The following SYT13 variants were observed in gnomAD, a reference collection of about 807,000 sequenced individuals.
The protein encoded by SYT13 is synaptotagmin 13.
In SYT13, 21 loss-of-function variants were observed where a neutral mutation model predicts 38.6. The observed-to-expected ratio is 0.54, with a 90% CI of 0.39 to 0.78. SYT13 has a LOEUF of 0.78. SYT13 is among the 30% of genes least tolerant of loss of function. The pLI is 0.00. For missense variants in SYT13, 495 were observed against 548.7 expected, an observed-to-expected ratio of 0.90 and a Z score of 0.98; for synonymous variants, 241 against 237.6, an observed-to-expected ratio of 1.01 and a Z score of -0.13.
chr11:45,261,560 TG>T (rs1854816288), intron 1 of SYT13, among the ~76,000 whole-genome samples: 1 of 151,058 alleles, frequency 6.6e-6, no homozygotes, highest in African/African-American at 2.4e-5. Flanking sequence ...ATCGCGCCAC[TG>T]CACTCCAGCC....
chr11:45,271,997 T>G (rs957841938), intron 1 of SYT13, among the ~76,000 whole-genome samples: 3 of 152,208 alleles, frequency 2.0e-5, no homozygotes, highest in African/African-American at 7.2e-5. Context: ...ATATACAGCA[T>G]GGAATACTAT....
chr11:45,254,754 C>A, intron 2 of SYT13: 2 of 200,750 alleles, frequency 1.0e-5, no homozygotes. Flanking sequence ...CCAGCAGCAG[C>A]ATAGTACACC....
intron 1 of SYT13, among the ~76,000 whole-genome samples, chr11:45,262,744 CACACACACACACACACACACACACAA>C (rs1413037365): frequency 7.8e-6 from 1 of 128,680 alleles, no homozygotes; most frequent in African/African-American, 2.9e-5. Flanking sequence ...CACACACACA[CACACACACACACACACACACACACAA>C]ATTGAACTGT....
At chr11:45,280,929 T>C (rs998506303) in intron 1 of SYT13, among the ~76,000 whole-genome samples, 6 of 152,248 alleles carry the variant, frequency 3.9e-5, no homozygotes, top group African/African-American at 9.6e-5. Flanking sequence ...GAGGGCTGGC[T>C]CACGCCTGTA....
At chr11:45,255,928 A>G in intron 1 of SYT13, 37 bp from the exon 2 acceptor site, 2 of 1,603,616 alleles carry the variant, frequency 1.2e-6, no homozygotes, top group Non-Finnish European at 1.7e-6. Flanking sequence ...TCCACAAAGG[A>G]GCCCTCTTGT....
Position 45,242,519 on chromosome 11 carries a change from A to T in SYT13, c.*1533T>A, listed in dbSNP as rs779061461. On this transcript the variant is annotated 3_prime_UTR_variant, in exon 6 of 6. Transcript: ENST00000020926. ...GGGAGGCGGAGGTTGCAGTGAGCCGAGATCGTGCCACTGCACTCCAGCCTG... is the reference window on the plus strand; with the variant it reads ...GGGAGGCGGAGGTTGCAGTGAGCCGTGATCGTGCCACTGCACTCCAGCCTG... 2.0e-5 allele frequency: 3 copies of T among 152,314 alleles called. No homozygotes were observed. Among genetic ancestry groups the T allele is most frequent in the African/African-American group, 4.8e-5 (2 of 41,432 alleles). The allele number at this position is 152,314 out of a possible 1,614,324, so 9.4% of individuals were successfully genotyped here. A position where few individuals can be genotyped will look rare whatever the true frequency, so the allele number is the denominator to read the frequency against.
Position 45,275,868 on chromosome 11 carries a change from T to A in SYT13, c.183+10157A>T, listed in dbSNP as rs907536022. Among the ~76,000 whole-genome samples, 4 of 152,172 alleles carry A rather than the reference T, an allele frequency of 2.6e-5. No individual in the cohort carries two copies. In the South Asian group the frequency reaches 8.3e-4, roughly 32 times the overall value. On this transcript the variant is annotated intron_variant, in intron 1 of 5. Transcript: ENST00000020926. The stretch of plus-strand genomic sequence containing the variant: ...GCTTGGGGGAACAGAATGGGAAAGA[T>A]GACAATAATAACATATTTGACAGAC...
At chr11:45,249,013 C>G (rs1854644374) in intron 4 of SYT13, among the ~76,000 whole-genome samples, 1 of 151,992 alleles carries the variant, frequency 6.6e-6, no homozygotes, top group East Asian at 1.9e-4. Flanking sequence ...CCCTTGGAGG[C>G]TAATATCCAG....
At position 45,246,462 on chromosome 11, in the gene SYT13, C is replaced by T. The variant is rs374760562; in HGVS notation, c.897G>A (p.Pro299=). The T allele has an allele frequency of 9.9e-6, 16 of 1,613,990 alleles. No individual in the cohort carries two copies. In the African/African-American group the frequency reaches 1.5e-4, roughly 15 times the overall value. ...GCACCACCAGGAGGCGGTTGGCAGC[C>T]GGGAGGTAGCTGATGGATAGTAGGA... The part of the protein sequence containing the change: ...GEVLLSISYL[P]AANRLLVVLI... The change falls in exon 5 of 6, where the codon CCG becomes CCA. Residue 299 remains proline, a synonymous_variant. Coordinates refer to ENST00000020926, the MANE Select transcript of SYT13 (RefSeq NM_020826.3).
In SYT13 at chr11:45,279,116, T is replaced by C. The variant is rs1276496114; in HGVS notation, c.183+6909A>G. Among the ~76,000 whole-genome samples, 97 of 152,372 alleles carry C rather than the reference T, an allele frequency of 6.4e-4. 2 individuals are homozygous for C. Among genetic ancestry groups the C allele is most frequent in the Non-Finnish European group, 2.2e-4 (15 of 68,030 alleles). ...TAAAATTTTGACTACTTTTTTCTGCTAATCTTCAACCTAGTCGTCAAAAGT... is the reference window on the plus strand; with the variant it reads ...TAAAATTTTGACTACTTTTTTCTGCCAATCTTCAACCTAGTCGTCAAAAGT... On this transcript the variant is annotated intron_variant, in intron 1 of 5. Transcript: ENST00000020926.
At chr11:45,244,585 C>G (rs998022032) in intron 5 of SYT13, among the ~76,000 whole-genome samples, 1 of 152,184 alleles carries the variant, frequency 6.6e-6, no homozygotes, top group Admixed American at 6.5e-5. Flanking sequence ...GCTATACCAG[C>G]AGGAAAGCAT....
At chr11:45,265,013 C>T (rs988212465) in intron 1 of SYT13, among the ~76,000 whole-genome samples, 4 of 152,200 alleles carry the variant, frequency 2.6e-5, no homozygotes, top group Admixed American at 6.5e-5. Flanking sequence ...GAAAGGAAAA[C>T]ATGAATCTGC....
intron 1 of SYT13, among the ~76,000 whole-genome samples, chr11:45,274,973 A>G (rs1854992503): frequency 6.6e-6 from 1 of 152,164 alleles, no homozygotes; most frequent in Admixed American, 6.5e-5. Context: ...GAAACCTGTA[A>G]AAAGTGAAGT....
chr11:45,260,788 C>T (rs541168571), intron 1 of SYT13, among the ~76,000 whole-genome samples: 39 of 152,216 alleles, frequency 2.6e-4, no homozygotes, highest in Non-Finnish European at 8.8e-5. Flanking sequence ...CTTAGATTCT[C>T]CGCCTCACCT....
At chr11:45,257,333 G>T (rs1010503217) in intron 1 of SYT13, among the ~76,000 whole-genome samples, 9 of 152,092 alleles carry the variant, frequency 5.9e-5, no homozygotes, top group Non-Finnish European at 8.8e-5. Context: ...AGCTTAAACT[G>T]CTGGCACTCT....
intron 1 of SYT13, among the ~76,000 whole-genome samples, chr11:45,274,574 T>C (rs547417656): frequency 5.5e-4 from 84 of 152,362 alleles, no homozygotes; most frequent in South Asian, 1.4e-3. Flanking sequence ...CTCCGCGATA[T>C]GCTCTGAGAA....
chr11:45,257,298 C>T (rs553965279), intron 1 of SYT13, among the ~76,000 whole-genome samples: 1 of 152,052 alleles, frequency 6.6e-6, no homozygotes, highest in Non-Finnish European at 1.5e-5. Context: ...CCTTCCTGGT[C>T]CTCAGGATTG....
intron 1 of SYT13, among the ~76,000 whole-genome samples, chr11:45,266,738 G>T (rs1854886164): frequency 1.3e-5 from 2 of 152,204 alleles, no homozygotes; most frequent in African/African-American, 4.8e-5. Flanking sequence ...AAATTTTCCT[G>T]GAGAAAATGT....
At chr11:45,273,347 G>T (rs1168425098) in intron 1 of SYT13, among the ~76,000 whole-genome samples, 2 of 152,126 alleles carry the variant, frequency 1.3e-5, no homozygotes, top group Non-Finnish European at 2.9e-5. Context: ...GGGTGATGAA[G>T]GCCCCTCACA....
Sources: allele counts gnomAD v4.1 joint callset (sites outside exome capture counted in the v4.1 genomes callset), GRCh38; gene constraint gnomAD v4.1.1; transcripts MANE v1.5; gene names NCBI Gene and HGNC (gene_info 2026-07-23, HGNC 2026-07-21).